The following RAB3C variants were observed in gnomAD, a reference collection of about 807,000 sequenced individuals.
RAB3C encodes the protein ras-related protein Rab-3C.
RAB3C carries 17 observed loss-of-function variants against 26.4 expected under a neutral mutation model. The ratio of observed to expected loss-of-function variants is 0.64; its 90% CI spans 0.44 to 0.97. RAB3C has a LOEUF of 0.97. Among genes scored for constraint, RAB3C ranks in the 50% least tolerant of loss-of-function variants. RAB3C has a pLI of 0.00. For missense variants in RAB3C, 242 were observed against 281.9 expected (o/e 0.86, Z 1.01); for synonymous variants, 91 against 95.9 (o/e 0.95, Z 0.30).
At chr5:58,818,207 T>C (rs917887688) in intron 3 of RAB3C, among the ~76,000 whole-genome samples, 8 of 152,340 alleles carry the variant, frequency 5.3e-5, no homozygotes, top group Non-Finnish European at 8.8e-5. Context: ...CATAGGCGAT[T>C]ACTTACACAC....
At chr5:58,643,002 A>T (rs1462835755) in intron 2 of RAB3C, among the ~76,000 whole-genome samples, 1 of 152,244 alleles carries the variant, frequency 6.6e-6, no homozygotes, top group Non-Finnish European at 1.5e-5. Context: ...ACTTTCAATC[A>T]TGCATCAACC....
rs149986115 is a variant in RAB3C at position 58,598,255 on chromosome 5, T to TTA, written c.24+15038_24+15039dup. Among the ~76,000 whole-genome samples the TTA allele has an allele frequency of 8.7e-3, 1,053 of 121,156 alleles. 160 individuals are homozygous for TTA. The highest frequency in any genetic ancestry group is 0.079 in the East Asian group (202 of 2,570). 79.5% of individuals were successfully genotyped at this position (121,156 alleles called of 152,430 possible). Reference sequence around the variant, plus strand: ...TAAGTATATGATAATATGTAATACATTATATATATATATATAGCTGAAAGC... The same window carrying TTA: ...TAAGTATATGATAATATGTAATACATTATATATATATATATATAGCTGAAAGC... On this transcript the variant is annotated intron_variant, in intron 1 of 4. Transcript: ENST00000282878.
chr5:58,753,866 T>C (rs1741587436), intron 3 of RAB3C, among the ~76,000 whole-genome samples: 1 of 152,176 alleles, frequency 6.6e-6, no homozygotes, highest in Non-Finnish European at 1.5e-5. Context: ...TAGGCTGCAG[T>C]GGGACCCTTG....
chr5:58,730,173 C>T (rs1035224732), intron 3 of RAB3C, among the ~76,000 whole-genome samples: 26 of 151,712 alleles, frequency 1.7e-4, no homozygotes, highest in African/African-American at 6.3e-4. Flanking sequence ...GTTCCTACTA[C>T]ATTAGAAACT....
chr5:58,753,260 C>G (rs1741573874), intron 3 of RAB3C, among the ~76,000 whole-genome samples: 1 of 152,136 alleles, frequency 6.6e-6, no homozygotes, highest in African/African-American at 2.4e-5. Flanking sequence ...TATGTAGAGG[C>G]ATTATTTAGC....
At chr5:58,695,940 C>T (rs1179876482) in intron 2 of RAB3C, among the ~76,000 whole-genome samples, 1 of 152,148 alleles carries the variant, frequency 6.6e-6, no homozygotes, top group Non-Finnish European at 1.5e-5. Context: ...ATTGCCCTGG[C>T]CAGAATTTCC....
intron 1 of RAB3C, among the ~76,000 whole-genome samples, chr5:58,612,467 G>A (rs1303842395): frequency 2.1e-5 from 3 of 143,840 alleles, no homozygotes; most frequent in Non-Finnish European, 4.5e-5. Context: ...TAGCTGGTTA[G>A]CTGGTTAGCT....
chr5:58,708,654 A>G (rs1749000366), intron 2 of RAB3C, among the ~76,000 whole-genome samples: 1 of 152,214 alleles, frequency 6.6e-6, no homozygotes, highest in South Asian at 2.1e-4. Flanking sequence ...AATCCCTGAA[A>G]GAACTTTTTG....
At chr5:58,644,805 T>A (rs749508566) in intron 2 of RAB3C, among the ~76,000 whole-genome samples, 3 of 152,208 alleles carry the variant, frequency 2.0e-5, no homozygotes, top group African/African-American at 4.8e-5. Flanking sequence ...AGAGCTACCA[T>A]GATGGCAGGC....
intron 1 of RAB3C, among the ~76,000 whole-genome samples, chr5:58,596,258 A>G (rs1376365461): frequency 6.6e-6 from 1 of 151,900 alleles, no homozygotes; most frequent in Non-Finnish European, 1.5e-5. Context: ...AGGTTCTGCC[A>G]GGCAAGAGTT....
intron 2 of RAB3C, among the ~76,000 whole-genome samples, chr5:58,642,145 C>T (rs1747425540): frequency 6.6e-6 from 1 of 152,200 alleles, no homozygotes; most frequent in Non-Finnish European, 1.5e-5. Flanking sequence ...GCTGCATTTG[C>T]TGTCAGCCTA....
intron 1 of RAB3C, among the ~76,000 whole-genome samples, chr5:58,614,711 C>T (rs546940835): frequency 6.6e-6 from 1 of 152,084 alleles, no homozygotes; most frequent in South Asian, 2.1e-4. Context: ...CTTGTCTTCA[C>T]CTAAATGCAT....
At chr5:58,818,586 T>C (rs16888640) in intron 3 of RAB3C, among the ~76,000 whole-genome samples, 1,721 of 152,328 alleles carry the variant, frequency 0.011, 36 homozygotes, top group African/African-American at 0.04. Context: ...AGGTCTGAGT[T>C]AACTGCCATT....
intron 2 of RAB3C, among the ~76,000 whole-genome samples, chr5:58,709,623 T>G (rs949635399): frequency 5.3e-5 from 8 of 152,202 alleles, no homozygotes; most frequent in Non-Finnish European, 1.2e-4. Context: ...CTTCTGAGGT[T>G]TATCAAGCCT....
At position 58,583,195 on chromosome 5, in the gene RAB3C, G is replaced by A. The variant is rs757062171; in HGVS notation, c.-14G>A. 5 of 1,614,196 alleles carry A rather than the reference G, an allele frequency of 3.1e-6. No individual in the cohort carries two copies. The highest frequency in any genetic ancestry group is 2.2e-5 in the East Asian group (1 of 44,866). On this transcript the variant is annotated 5_prime_UTR_variant, in exon 1 of 5. Transcript: ENST00000282878. ...AGTGCGGTCCTAGCCAGAGAGAAAG[G>A]ACATTTGCCAACAATGAGACACGAA...
chr5:58,683,473 C>T (rs1048159594), intron 2 of RAB3C, among the ~76,000 whole-genome samples: 3 of 152,066 alleles, frequency 2.0e-5, no homozygotes, highest in African/African-American at 4.8e-5. Flanking sequence ...CACATGAACA[C>T]TGGGAATACA....
chr5:58,635,513 T>A (rs1451913153), intron 2 of RAB3C, among the ~76,000 whole-genome samples: 3 of 152,214 alleles, frequency 2.0e-5, no homozygotes, highest in Non-Finnish European at 4.4e-5. Flanking sequence ...TTTCTACAGA[T>A]ATTTTTTAGC....
intron 3 of RAB3C, among the ~76,000 whole-genome samples, chr5:58,808,775 T>G (rs1743003289): frequency 6.6e-6 from 1 of 152,244 alleles, no homozygotes; most frequent in South Asian, 2.1e-4. Context: ...CACCATGGTC[T>G]GCTTTTATTT....
chr5:58,694,764 C>T (rs1423580203), intron 2 of RAB3C, among the ~76,000 whole-genome samples: 1 of 152,130 alleles, frequency 6.6e-6, no homozygotes, highest in Admixed American at 6.5e-5. Flanking sequence ...ATCCTTTGCC[C>T]ACTTTTTGAT....
Sources: gnomAD v4.1 joint callset for allele counts (sites outside exome capture counted in the v4.1 genomes callset) on GRCh38, gnomAD v4.1.1 for gene constraint, MANE v1.5 for transcripts, NCBI Gene and HGNC (gene_info 2026-07-23, HGNC 2026-07-21) for gene names.